WDR17: variants seen among roughly 807,000 people sequenced by gnomAD.
WDR17 encodes WD repeat-containing protein 17.
WDR17 carries 143 observed loss-of-function variants against 161.7 expected under a neutral mutation model. That is an observed-to-expected ratio of 0.88 (90% CI 0.77 to 1.02). The LOEUF is 1.02. Among genes scored for constraint, WDR17 ranks in the 50% least tolerant of loss-of-function variants. The pLI, the probability that WDR17 is intolerant of heterozygous loss-of-function variation, is 0.00. For synonymous variants in WDR17, 517 were observed against 515.6 expected (o/e 1.00, Z -0.04); for missense variants, 1,469 against 1,520.9 (o/e 0.97, Z 0.57).
chr4:176,087,770 T>C (rs1041415344), intron 1 of WDR17, among the ~76,000 whole-genome samples: 1 of 152,174 alleles, frequency 6.6e-6, no homozygotes, highest in Non-Finnish European at 1.5e-5. Context: ...ACTAATAAAC[T>C]CATCCATTGA....
At chr4:176,146,872 A>C in intron 12 of WDR17, among the ~76,000 whole-genome samples, 1 of 146,378 alleles carries the variant, frequency 6.8e-6, no homozygotes, top group East Asian at 1.9e-4. Flanking sequence ...GAAATGAAAA[A>C]AAAAATTTTT....
intron 26 of WDR17, among the ~76,000 whole-genome samples, chr4:176,175,266 T>C (rs11944385): frequency 0.26 from 38,807 of 152,028 alleles, 5,147 homozygotes; most frequent in Admixed American, 0.37. Context: ...AGCTTTTCAA[T>C]CTCTACAGCA....
intron 1 of WDR17, among the ~76,000 whole-genome samples, chr4:176,093,740 A>G (rs538925814): frequency 6.6e-6 from 1 of 150,936 alleles, no homozygotes; most frequent in Non-Finnish European, 1.5e-5. Flanking sequence ...AAAGGTTTCA[A>G]CTCTGCACCC....
Position 176,173,378 on chromosome 4 carries a change from T to A in WDR17, c.3347+9T>A. 1 of 1,563,512 alleles carries A rather than the reference T, an allele frequency of 6.4e-7. No homozygotes were observed. The highest frequency in any genetic ancestry group is 1.2e-5 in the South Asian group (1 of 86,404). ...TTGCATACGTGTACTGAGTGAGTAT[T>A]TTTTCTGCAAAATATATAAGTGAAT... On this transcript the variant is annotated intron_variant, in intron 25 of 28. Transcript: ENST00000508596.
chr4:176,115,245 A>G (rs1342971131), intron 2 of WDR17, among the ~76,000 whole-genome samples: 1 of 152,046 alleles, frequency 6.6e-6, no homozygotes, highest in African/African-American at 2.4e-5. Flanking sequence ...TTACAAAAGA[A>G]ATAAGAAAAA....
chr4:176,168,902 C>T (rs1750285443), intron 23 of WDR17, 119 bp downstream of exon 23: 2 of 1,091,786 alleles, frequency 1.8e-6, no homozygotes, highest in African/African-American at 3.2e-5. Context: ...TTTGGGGTAC[C>T]TACAAGTACA....
intron 5 of WDR17, among the ~76,000 whole-genome samples, chr4:176,128,192 T>C (rs1178520357): frequency 1.3e-5 from 2 of 152,216 alleles, no homozygotes; most frequent in Non-Finnish European, 2.9e-5. Context: ...TGCTAAGTCA[T>C]ATGGTAATTC....
At position 176,111,622 on chromosome 4, in the gene WDR17, T is replaced by C; in HGVS notation, c.42T>C (p.Cys14=). The change falls in exon 2 of 29, where the codon TGT becomes TGC. Residue 14 remains cysteine, a synonymous_variant. Coordinates refer to ENST00000508596, the MANE Select transcript of WDR17 (RefSeq NM_181265.4). ...VRQVGLLAAG[C]QPWNKDVCAA... Reference sequence around the variant, plus strand: ...AAGTGGGATTGCTGGCTGCTGGATGTCAGCCATGGAACAAGGATGTATGTG... The same window carrying C: ...AAGTGGGATTGCTGGCTGCTGGATGCCAGCCATGGAACAAGGATGTATGTG... 6.2e-7 allele frequency: 1 copy of C among 1,611,038 alleles called. No individual in the cohort carries two copies.
At chr4:176,167,531 A>G (rs956555336) in intron 22 of WDR17, among the ~76,000 whole-genome samples, 12 of 149,202 alleles carry the variant, frequency 8.0e-5, no homozygotes, top group African/African-American at 3.0e-4. Context: ...CTGTAGTCCC[A>G]GCTACTCGGG....
chr4:176,173,360 C>T lies in WDR17; in HGVS notation c.3338C>T (p.Thr1113Met), dbSNP rs749386548. The T allele has an allele frequency of 1.4e-5, 23 of 1,606,344 alleles. No individual in the cohort carries two copies. Among genetic ancestry groups the T allele is most frequent in the East Asian group, 4.5e-5 (2 of 44,718 alleles). The change falls in exon 25 of 29, where the codon ACG (threonine) becomes ATG (methionine). Residue 1113 changes from threonine (T) to methionine (M), a missense_variant. Transcript: ENST00000508596. ...YIRTEKLLLHTCTEARNELLI... is the reference protein window; with the variant it reads ...YIRTEKLLLHMCTEARNELLI... The stretch of plus-strand genomic sequence containing the variant: ...CGTACTGAAAAATTACTCTTGCATA[C>T]GTGTACTGAGTGAGTATTTTTTCTG...
At chr4:176,135,391 C>T in intron 8 of WDR17, 115 bp downstream of exon 8, 1 of 1,160,422 alleles carries the variant, frequency 8.6e-7, no homozygotes. Flanking sequence ...GAATGTAGAG[C>T]AAATTAGTGT....
intron 2 of WDR17, among the ~76,000 whole-genome samples, chr4:176,115,041 T>A (rs1426012537): frequency 6.6e-6 from 1 of 152,002 alleles, no homozygotes; most frequent in Non-Finnish European, 1.5e-5. Flanking sequence ...AGGATTTTAT[T>A]GCAAGCATAT....
intron 7 of WDR17, among the ~76,000 whole-genome samples, chr4:176,133,574 C>T (rs1396126877): frequency 6.6e-6 from 1 of 151,254 alleles, no homozygotes; most frequent in Admixed American, 6.6e-5. Flanking sequence ...TTGCTTTTCT[C>T]ACTTTAAAAT....
At chr4:176,135,040 T>C (rs1292218517) in intron 7 of WDR17, 68 bp from the exon 8 acceptor site, 2 of 1,481,472 alleles carry the variant, frequency 1.4e-6, no homozygotes, top group East Asian at 2.3e-5. Flanking sequence ...TGAGTAAACA[T>C]TGTGGTTCAT....
At position 176,142,085 on chromosome 4, in the gene WDR17, T is replaced by C. The variant is rs1745367530; in HGVS notation, c.1529+16T>C. 4 of 1,596,296 alleles carry C rather than the reference T, an allele frequency of 2.5e-6. No individual in the cohort carries two copies. The highest frequency in any genetic ancestry group is 3.4e-6 in the Non-Finnish European group (4 of 1,170,080). ...AAAACAATAAGTAAGTGGTTTTTTT[T>C]CCTGAAATAAATAATAACTACATTT... On this transcript the variant is annotated intron_variant, in intron 11 of 28. Transcript: ENST00000508596.
intron 1 of WDR17, among the ~76,000 whole-genome samples, chr4:176,087,691 A>T (rs1257520479): frequency 6.6e-6 from 1 of 151,846 alleles, no homozygotes; most frequent in African/African-American, 2.4e-5. Flanking sequence ...TTCTCTATGC[A>T]TTGATTTTGG....
chr4:176,139,869 T>C (rs1428701845), intron 9 of WDR17, 23 bp from the exon 10 acceptor site: 2 of 1,569,140 alleles, frequency 1.3e-6, no homozygotes, highest in Non-Finnish European at 1.7e-6. Context: ...TTCTTATTGA[T>C]AGGTATTTTA....
At chr4:176,159,964 T>C in intron 18 of WDR17, 30 bp from the exon 19 acceptor site, 1 of 1,540,876 alleles carries the variant, frequency 6.5e-7, no homozygotes, top group Non-Finnish European at 8.8e-7. Context: ...AAATAATATA[T>C]TGTTTAAAAA....
At chr4:176,160,228 A>T in intron 19 of WDR17, 102 bp downstream of exon 19, 2 of 1,414,070 alleles carry the variant, frequency 1.4e-6, no homozygotes, top group Non-Finnish European at 1.9e-6. Flanking sequence ...TGACAAAGTC[A>T]TAAAGGGCTT....
Sources: allele counts gnomAD v4.1 joint callset (sites outside exome capture counted in the v4.1 genomes callset), GRCh38; gene constraint gnomAD v4.1.1; transcripts MANE v1.5; gene names NCBI Gene and HGNC (gene_info 2026-07-23, HGNC 2026-07-21).